EEPD1: variants seen among roughly 807,000 people sequenced by gnomAD.
The protein encoded by EEPD1 is endonuclease/exonuclease/phosphatase family domain containing 1.
EEPD1 carries 17 observed loss-of-function variants against 46.3 expected under a neutral mutation model. That is an observed-to-expected ratio of 0.37 (90% CI 0.25 to 0.55). EEPD1 has a LOEUF of 0.55. Among genes scored for constraint, EEPD1 ranks in the 20% least tolerant of loss-of-function variants. The pLI is 0.83. For synonymous variants in EEPD1, 313 were observed against 315.6 expected, an observed-to-expected ratio of 0.99 and a Z score of 0.09; for missense variants, 673 against 745.6, an observed-to-expected ratio of 0.90 and a Z score of 1.13.
intron 6 of EEPD1, among the ~76,000 whole-genome samples, chr7:36,290,222 C>CA (rs1196907724): frequency 1.3e-5 from 2 of 152,192 alleles, no homozygotes; most frequent in African/African-American, 4.8e-5. Context: ...ACCATCCCCC[C>CA]ACCCCACCCC....
chr7:36,207,464 G>A (rs1283337207), intron 2 of EEPD1, among the ~76,000 whole-genome samples: 1 of 152,190 alleles, frequency 6.6e-6, no homozygotes, highest in Non-Finnish European at 1.5e-5. Context: ...CCCCAGACAG[G>A]TTAGGCCACC....
intron 3 of EEPD1, among the ~76,000 whole-genome samples, chr7:36,268,225 C>T (rs142098870): frequency 6.6e-6 from 1 of 150,428 alleles, no homozygotes; most frequent in Non-Finnish European, 1.5e-5. Context: ...GATCTCGGCT[C>T]ACTGCAACCT....
intron 2 of EEPD1, among the ~76,000 whole-genome samples, chr7:36,229,859 C>G (rs1002891788): frequency 4.6e-5 from 7 of 152,224 alleles, no homozygotes. Context: ...CTACCCTGGA[C>G]TGTCTTCTCT....
At chr7:36,296,593 C>G (rs1787527511) in intron 6 of EEPD1, among the ~76,000 whole-genome samples, 1 of 151,902 alleles carries the variant, frequency 6.6e-6, no homozygotes, top group African/African-American at 2.4e-5. Context: ...GTCTGTCTCT[C>G]AGAGCAGGAG....
intron 2 of EEPD1, among the ~76,000 whole-genome samples, chr7:36,232,009 G>A (rs1322995431): frequency 6.6e-6 from 1 of 152,152 alleles, no homozygotes; most frequent in African/African-American, 2.4e-5. Flanking sequence ...CTCTCAGGAG[G>A]ACAAAACAGC....
intron 2 of EEPD1, among the ~76,000 whole-genome samples, chr7:36,199,800 G>A (rs998522757): frequency 3.9e-5 from 6 of 152,048 alleles, no homozygotes; most frequent in Admixed American, 6.6e-5. Context: ...CCTGGGGGTC[G>A]TGCACCGTGA....
At chr7:36,281,065 A>T (rs200283457) in intron 3 of EEPD1, 50 bp from the exon 4 acceptor site, 43 of 1,548,936 alleles carry the variant, frequency 2.8e-5, no homozygotes, top group Admixed American at 2.7e-4. Flanking sequence ...GCCAGCCGGG[A>T]CTGCTTTAGG....
chr7:36,163,782 G>A (rs1784939609), intron 2 of EEPD1, among the ~76,000 whole-genome samples: 1 of 151,760 alleles, frequency 6.6e-6, no homozygotes, highest in Non-Finnish European at 1.5e-5. Flanking sequence ...GAAGGCTGAG[G>A]CAGGAGAATG....
intron 2 of EEPD1, among the ~76,000 whole-genome samples, chr7:36,184,614 C>G (rs940116856): frequency 1.3e-5 from 2 of 152,208 alleles, no homozygotes; most frequent in African/African-American, 4.8e-5. Flanking sequence ...TGTCTCCTTA[C>G]AGTTCTTTCG....
intron 6 of EEPD1, among the ~76,000 whole-genome samples, chr7:36,291,673 T>G (rs760508093): frequency 2.6e-5 from 4 of 152,210 alleles, no homozygotes; most frequent in Non-Finnish European, 4.4e-5. Flanking sequence ...GTGGCCTGAG[T>G]GGCTTCCCTT....
chr7:36,200,339 G>A (rs964998098), intron 2 of EEPD1, among the ~76,000 whole-genome samples: 1 of 152,254 alleles, frequency 6.6e-6, no homozygotes, highest in Non-Finnish European at 1.5e-5. Context: ...ATAGTATTCC[G>A]TGGTGTATAT....
chr7:36,270,810 G>A (rs961246346), intron 3 of EEPD1, among the ~76,000 whole-genome samples: 1 of 152,032 alleles, frequency 6.6e-6, no homozygotes, highest in Non-Finnish European at 1.5e-5. Context: ...AATCCTTTGG[G>A]TATATACCCA....
intron 2 of EEPD1, among the ~76,000 whole-genome samples, chr7:36,163,533 G>A (rs1784933155): frequency 6.6e-6 from 1 of 152,072 alleles, no homozygotes; most frequent in South Asian, 2.1e-4. Context: ...GGTGGAACTT[G>A]GTTTATAATC....
In EEPD1 at chr7:36,154,804, C is replaced by T; in HGVS notation, c.480C>T (p.Ser160=). 6.2e-7 allele frequency: 1 copy of T among 1,614,206 alleles called. No homozygotes were observed. Among genetic ancestry groups the T allele is most frequent in the Non-Finnish European group, 8.5e-7 (1 of 1,180,032 alleles). Residue 160 remains serine (S), a synonymous_variant, in exon 2 of 8, where the codon AGC becomes AGT. Transcript: ENST00000242108. This position sits in a 1 kb window ranked among gnomAD's most constrained non-coding sequence, Gnocchi z 4.2. ...VRGLSEKMAL[S]IVDFRREHGP... ...GCCTCTCGGAGAAAATGGCCCTCAG[C>T]ATCGTGGACTTCCGCCGTGAGCATG...
chr7:36,172,872 C>T (rs1459360903), intron 2 of EEPD1, among the ~76,000 whole-genome samples: 1 of 120,742 alleles, frequency 8.3e-6, no homozygotes, highest in African/African-American at 3.2e-5. Flanking sequence ...GAGGCTCAGA[C>T]TTACGACTAG....
intron 2 of EEPD1, among the ~76,000 whole-genome samples, chr7:36,161,946 A>T (rs1372429887): frequency 6.6e-6 from 1 of 152,008 alleles, no homozygotes; most frequent in Non-Finnish European, 1.5e-5. Context: ...ATTTTATCCC[A>T]GAATTCCCTA....
intron 3 of EEPD1, among the ~76,000 whole-genome samples, chr7:36,277,204 G>A (rs569468543): frequency 6.6e-6 from 1 of 152,220 alleles, no homozygotes; most frequent in African/African-American, 2.4e-5. Flanking sequence ...TCCACCTGTC[G>A]AGGCCAGGAA....
intron 3 of EEPD1, among the ~76,000 whole-genome samples, chr7:36,262,551 C>G (rs192090996): frequency 3.3e-5 from 5 of 152,300 alleles, no homozygotes; most frequent in African/African-American, 1.2e-4. Context: ...TGTTGGCATG[C>G]ATTCAGGGGG....
intron 2 of EEPD1, among the ~76,000 whole-genome samples, chr7:36,207,706 A>G (rs1183445887): frequency 6.6e-6 from 1 of 152,150 alleles, no homozygotes; most frequent in Non-Finnish European, 1.5e-5. Context: ...AAATCTGCAG[A>G]ATATTTTGAA....
Sources: allele counts gnomAD v4.1 joint callset (sites outside exome capture counted in the v4.1 genomes callset), GRCh38; gene constraint gnomAD v4.1.1; non-coding constraint Gnocchi (gnomAD v3.1); transcripts MANE v1.5; gene names NCBI Gene and HGNC (gene_info 2026-07-23, HGNC 2026-07-21).